ABI3BP: variants seen among roughly 807,000 people sequenced by gnomAD.
ABI3BP encodes ABI family member 3 binding protein.
A neutral mutation model predicts 268.6 loss-of-function variants in ABI3BP; 216 were observed. The observed-to-expected ratio is 0.80, with a 90% CI of 0.72 to 0.90. ABI3BP has a LOEUF of 0.90. Ranked by LOEUF, ABI3BP falls within the 40% of genes least tolerant of loss-of-function variation. The probability of loss-of-function intolerance (pLI) is 0.00; values close to 1 mark genes in which losing one functional copy is unlikely to be tolerated. For missense variants in ABI3BP, 2,090 were observed against 2,182.4 expected (o/e 0.96, Z 0.84); for synonymous variants, 730 against 730.0 (o/e 1.00, Z 0.00).
chr3:100,755,867 A>G (rs1281294964), intron 63 of ABI3BP, among the ~76,000 whole-genome samples: 1 of 152,198 alleles, frequency 6.6e-6, no homozygotes, highest in Non-Finnish European at 1.5e-5. Flanking sequence ...CGTCTTTGAG[A>G]AGTTTATAAT....
chr3:100,937,755 G>C (rs766831476), intron 1 of ABI3BP, among the ~76,000 whole-genome samples: 1 of 152,058 alleles, frequency 6.6e-6, no homozygotes, highest in South Asian at 2.1e-4. Flanking sequence ...TTCCAACGTA[G>C]TCTATGCTCT....
At chr3:100,851,773 G>T in intron 15 of ABI3BP, 102 bp downstream of exon 15, 3 of 960,718 alleles carry the variant, frequency 3.1e-6, no homozygotes, top group Non-Finnish European at 4.7e-6. Flanking sequence ...CCCATGCAGA[G>T]CTCCAGAGGA....
Position 100,828,468 on chromosome 3 carries a change from A to T in ABI3BP, c.2543-16T>A, listed in dbSNP as rs1190236120. The T allele has an allele frequency of 2.6e-6, 4 of 1,527,992 alleles. No homozygotes were observed. Among genetic ancestry groups the T allele is most frequent in the Non-Finnish European group, 3.5e-6 (4 of 1,141,050 alleles). The allele number at this position is 1,527,992 out of a possible 1,614,324, so 94.7% of individuals were successfully genotyped here. On this transcript the variant is annotated splice_polypyrimidine_tract_variant and intron_variant, in intron 33 of 67. Transcript: ENST00000471714. ...GTAGCAGGAACTGGCCAAAAATAAT[A>T]AAAATAAAACACCAACAAAACATTA...
At chr3:100,771,067 G>T in intron 61 of ABI3BP, 115 bp from the exon 62 acceptor site, 1 of 941,534 alleles carries the variant, frequency 1.1e-6, no homozygotes, top group Non-Finnish European at 1.5e-6. Flanking sequence ...GCGGATGGTT[G>T]AAAGCCATGA....
intron 12 of ABI3BP, 83 bp downstream of exon 12, chr3:100,863,919 C>T (rs959880055): frequency 1.4e-5 from 14 of 1,016,818 alleles, no homozygotes; most frequent in Admixed American, 1.0e-4. Flanking sequence ...TATAAATTAG[C>T]GTAATTAATT....
At chr3:100,922,353 G>A (rs570790995) in intron 2 of ABI3BP, among the ~76,000 whole-genome samples, 5 of 152,308 alleles carry the variant, frequency 3.3e-5, no homozygotes, top group African/African-American at 1.2e-4. Context: ...GTGAAGATGT[G>A]AGGTTGCGTG....
chr3:100,787,884 A>C, intron 56 of ABI3BP, 82 bp from the exon 57 acceptor site: 1 of 1,026,408 alleles, frequency 9.7e-7, no homozygotes. Context: ...CAGAGAATTG[A>C]AAGTCATTTA....
In ABI3BP at chr3:100,862,875, T is replaced by C; in HGVS notation, c.1173A>G (p.Lys391=). 1 of 1,535,808 alleles carries C rather than the reference T, an allele frequency of 6.5e-7. No homozygotes were observed. Among genetic ancestry groups the C allele is most frequent in the Non-Finnish European group, 8.7e-7 (1 of 1,146,772 alleles). Residue 391 remains lysine (K), a synonymous_variant, in exon 13 of 68, where the codon AAA becomes AAG. Transcript: ENST00000471714. ...PKSLPEFPEA[K]TPFPFEKPRG... is the part of the protein sequence containing the mutation. The stretch of plus-strand genomic sequence containing the variant: ...TAGGTTTCTCAAAAGGGAAGGGTGT[T>C]TTTGCCTCAGGAAATTCTGGAAGGC...
chr3:100,936,033 G>A (rs963024056), intron 1 of ABI3BP, among the ~76,000 whole-genome samples: 1 of 152,156 alleles, frequency 6.6e-6, no homozygotes, highest in Non-Finnish European at 1.5e-5. Flanking sequence ...GAGTGGGAGA[G>A]AGGGCATCCT....
chr3:100,862,439 G>T lies in ABI3BP; in HGVS notation c.1211-54C>A, dbSNP rs112461437. 3.0e-3 allele frequency: 3,649 copies of T among 1,216,426 alleles called. 85 individuals carry two copies. In the African/African-American group the frequency reaches 0.049, roughly 16 times the overall value. The allele number at this position is 1,216,426 out of a possible 1,614,324, so 75.4% of individuals were successfully genotyped here. ...AAGATTTTTTTTTTTTTTAACAGGA[G>T]AACGAGACAGAAATAGGTTGCTGGT... On this transcript the variant is annotated intron_variant, in intron 13 of 67. Transcript: ENST00000471714.
At chr3:100,846,136 T>C (rs754738299) in intron 20 of ABI3BP, among the ~76,000 whole-genome samples, 16 of 152,222 alleles carry the variant, frequency 1.1e-4, no homozygotes, top group African/African-American at 1.9e-4. Flanking sequence ...TTCGCAATCA[T>C]TCATATCATT....
chr3:100,913,499 G>A (rs942189513), intron 2 of ABI3BP, among the ~76,000 whole-genome samples: 10 of 152,094 alleles, frequency 6.6e-5, no homozygotes, highest in African/African-American at 2.4e-4. Flanking sequence ...AAACACTGAT[G>A]GTTATTTTTC....
intron 4 of ABI3BP, among the ~76,000 whole-genome samples, chr3:100,892,740 T>C (rs148750916): frequency 1.7e-4 from 26 of 152,310 alleles, no homozygotes; most frequent in African/African-American, 6.0e-4. Flanking sequence ...GTTCCCTACA[T>C]GACTTGCATG....
intron 42 of ABI3BP, 22 bp downstream of exon 42, chr3:100,817,414 C>G: frequency 6.8e-7 from 1 of 1,475,188 alleles, no homozygotes; most frequent in Non-Finnish European, 9.0e-7. Context: ...AAAAGTTATT[C>G]AGGAACACAG....
chr3:100,816,693 T>A lies in ABI3BP; in HGVS notation c.3224A>T (p.Lys1075Ile). ...TTSSPEVPQN[K>I]SVSVTGFEPV... is the part of the protein sequence containing the mutation. ...CCAAGGATTCATACATTTACCCGAT[T>A]TGTTCTGAGGTACTTCAGGACTTGA... Residue 1075 changes from lysine (K) to isoleucine (I), a missense_variant, in exon 43 of 68, where the codon AAA becomes ATA. Transcript: ENST00000471714. 6.5e-7 allele frequency: 1 copy of A among 1,535,784 alleles called. No homozygotes were observed. Among genetic ancestry groups the A allele is most frequent in the Non-Finnish European group, 8.7e-7 (1 of 1,146,564 alleles).
At chr3:100,865,834 C>T (rs1439155172) in intron 10 of ABI3BP, among the ~76,000 whole-genome samples, 1 of 152,112 alleles carries the variant, frequency 6.6e-6, no homozygotes, top group African/African-American at 2.4e-5. Context: ...TAGAGCCATG[C>T]CTATGCTTTT....
chr3:100,818,708 G>T, intron 40 of ABI3BP, 127 bp from the exon 41 acceptor site: 1 of 801,726 alleles, frequency 1.2e-6, no homozygotes, highest in Non-Finnish European at 2.0e-6. Flanking sequence ...GTTATTTGAA[G>T]ACTTGGCCAT....
chr3:100,783,913 T>G (rs1225568500), intron 57 of ABI3BP, among the ~76,000 whole-genome samples: 1 of 152,186 alleles, frequency 6.6e-6, no homozygotes, highest in African/African-American at 2.4e-5. Context: ...TGTAGGCAGG[T>G]CTCAAGGAGA....
chr3:100,823,620 A>AAAC (rs1560469413), intron 36 of ABI3BP, 106 bp from the exon 37 acceptor site: 2 of 617,132 alleles, frequency 3.2e-6, no homozygotes, highest in East Asian at 7.1e-5. Context: ...CCAGAGAAAC[A>AAAC]AAAAAAAAAT....
Sources: allele counts gnomAD v4.1 joint callset (sites outside exome capture counted in the v4.1 genomes callset), GRCh38; gene constraint gnomAD v4.1.1; transcripts MANE v1.5; gene names NCBI Gene and HGNC (gene_info 2026-07-23, HGNC 2026-07-21).